The following KCNH1 variants were observed in gnomAD, a reference collection of about 807,000 sequenced individuals.
The protein encoded by KCNH1 is voltage-gated delayed rectifier potassium channel KCNH1.
In KCNH1, 27 loss-of-function variants were observed where a neutral mutation model predicts 69.2. That is an observed-to-expected ratio of 0.39 (90% CI 0.29 to 0.54). KCNH1 has a LOEUF of 0.54. Ranked by LOEUF, KCNH1 falls within the 20% of genes least tolerant of loss-of-function variation. The pLI is 0.68. For synonymous variants in KCNH1, 456 were observed against 487.7 expected (o/e 0.93, Z 0.86); for missense variants, 798 against 1,261.6 (o/e 0.63, Z 5.57).
chr1:211,080,406 T>C (rs1186629915), intron 5 of KCNH1, among the ~76,000 whole-genome samples: 10 of 152,192 alleles, frequency 6.6e-5, no homozygotes, highest in Non-Finnish European at 1.0e-4. Context: ...AAGTAATTTA[T>C]AGATTCAATG....
intron 7 of KCNH1, chr1:210,861,964 AC>A (rs1412158765): frequency 2.6e-6 from 2 of 758,318 alleles, no homozygotes; most frequent in African/African-American, 1.7e-5. Flanking sequence ...AGTAAGCTGT[AC>A]CCTGATGAGC....
intron 6 of KCNH1, among the ~76,000 whole-genome samples, chr1:210,936,905 C>T (rs1002937911): frequency 1.2e-4 from 19 of 152,072 alleles, no homozygotes; most frequent in Admixed American, 3.9e-4. Context: ...TTCCCTTATC[C>T]CCATCCTACC....
At chr1:210,817,284 T>TTGCTGAGGACAAGTGACAAG (rs2102421684) in intron 7 of KCNH1, among the ~76,000 whole-genome samples, 1 of 152,332 alleles carries the variant, frequency 6.6e-6, no homozygotes, top group South Asian at 2.1e-4. Flanking sequence ...CCTGACTTTG[T>TTGCTGAGGACAAGTGACAAG]TGCTGAGGAC....
chr1:210,891,248 T>G (rs1044068378), intron 7 of KCNH1, among the ~76,000 whole-genome samples: 3 of 152,064 alleles, frequency 2.0e-5, no homozygotes, highest in East Asian at 1.9e-4. Context: ...TAGGGACATG[T>G]ATGAAGCTGG....
chr1:210,967,213 A>T (rs1398048872), intron 6 of KCNH1, among the ~76,000 whole-genome samples: 1 of 152,172 alleles, frequency 6.6e-6, no homozygotes, highest in Non-Finnish European at 1.5e-5. Context: ...TAGGAGGAAT[A>T]CATAATGTAG....
intron 1 of KCNH1, among the ~76,000 whole-genome samples, chr1:211,115,873 A>G (rs1342498091): frequency 6.6e-6 from 1 of 151,930 alleles, no homozygotes; most frequent in Non-Finnish European, 1.5e-5. Context: ...GGTGGCTCAC[A>G]TGTGTAATCC....
intron 7 of KCNH1, among the ~76,000 whole-genome samples, chr1:210,881,053 T>C (rs554574356): frequency 6.6e-6 from 1 of 151,734 alleles, no homozygotes; most frequent in African/African-American, 2.4e-5. Context: ...AGTCTCACTC[T>C]GTCACCCAGG....
chr1:210,867,487 T>G (rs2102490073), intron 7 of KCNH1, among the ~76,000 whole-genome samples: 2 of 152,076 alleles, frequency 1.3e-5, no homozygotes, highest in East Asian at 3.9e-4. Context: ...CCAAAGGTAC[T>G]GTGAAAAGCA....
intron 10 of KCNH1, 107 bp downstream of exon 10, chr1:210,775,241 A>G: frequency 1.1e-6 from 1 of 919,256 alleles, no homozygotes. Context: ...CTTTAGAACC[A>G]ATTACTCTAC....
At chr1:211,106,480 C>A (rs1571651130) in intron 2 of KCNH1, among the ~76,000 whole-genome samples, 1 of 149,478 alleles carries the variant, frequency 6.7e-6, no homozygotes, top group South Asian at 2.2e-4. Flanking sequence ...TCATCTTTTT[C>A]TGAAGTAAAA....
intron 1 of KCNH1, among the ~76,000 whole-genome samples, chr1:211,111,378 C>T (rs865858907): frequency 8.3e-5 from 12 of 143,802 alleles, no homozygotes; most frequent in South Asian, 2.3e-4. Context: ...CACCTCTGCC[C>T]GGCCACCGCA....
At chr1:211,066,377 A>G (rs1476819793) in intron 5 of KCNH1, among the ~76,000 whole-genome samples, 2 of 152,188 alleles carry the variant, frequency 1.3e-5, no homozygotes, top group African/African-American at 2.4e-5. Context: ...GAATATTTGC[A>G]TGTAATATCT....
intron 6 of KCNH1, among the ~76,000 whole-genome samples, chr1:210,995,875 T>C (rs1425428806): frequency 6.6e-6 from 1 of 152,142 alleles, no homozygotes; most frequent in East Asian, 1.9e-4. Flanking sequence ...AATCCAAGTG[T>C]AAGTAATATG....
chr1:210,935,323 C>T (rs946154596), intron 6 of KCNH1, among the ~76,000 whole-genome samples: 1 of 151,934 alleles, frequency 6.6e-6, no homozygotes, highest in Admixed American at 6.6e-5. Flanking sequence ...AAAGGTTTCT[C>T]ATAGAAGTAG....
intron 7 of KCNH1, among the ~76,000 whole-genome samples, chr1:210,842,497 C>T (rs6658899): frequency 2.0e-5 from 3 of 152,154 alleles, no homozygotes; most frequent in South Asian, 2.1e-4. Context: ...GGCATGTTAG[C>T]GGAATTTAAA....
intron 10 of KCNH1, among the ~76,000 whole-genome samples, chr1:210,748,715 G>A (rs1252378184): frequency 3.3e-5 from 5 of 152,172 alleles, no homozygotes; most frequent in Non-Finnish European, 7.4e-5. Context: ...GTTCTGAGGT[G>A]CTTTTCTAAC....
At chr1:210,688,838 G>A (rs1558423601) in intron 10 of KCNH1, among the ~76,000 whole-genome samples, 1 of 152,184 alleles carries the variant, frequency 6.6e-6, no homozygotes, top group Non-Finnish European at 1.5e-5. Context: ...GGGTCTGTCT[G>A]GAGAGGTTGT....
At chr1:210,817,258 A>C (rs1175266372) in intron 7 of KCNH1, among the ~76,000 whole-genome samples, 6 of 152,194 alleles carry the variant, frequency 3.9e-5, no homozygotes, top group Non-Finnish European at 7.4e-5. Context: ...ATTTTGTATA[A>C]GTCAGTGGTC....
chr1:210,886,759 T>C (rs1686616125), intron 7 of KCNH1, among the ~76,000 whole-genome samples: 1 of 151,824 alleles, frequency 6.6e-6, no homozygotes, highest in South Asian at 2.1e-4. Flanking sequence ...TACACAAGTA[T>C]CAGTAACTGA....
Sources: gnomAD v4.1 joint callset for allele counts (sites outside exome capture counted in the v4.1 genomes callset) on GRCh38, gnomAD v4.1.1 for gene constraint, MANE v1.5 for transcripts, NCBI Gene and HGNC (gene_info 2026-07-23, HGNC 2026-07-21) for gene names.